Variants in GPC6 observed in about 807,000 individuals in gnomAD.
The protein encoded by GPC6 is glypican 6.
Under a neutral mutation model 55.2 loss-of-function variants are expected in GPC6, and 14 were observed. The ratio of observed to expected loss-of-function variants is 0.25; its 90% confidence interval spans 0.17 to 0.40. The LOEUF (loss-of-function observed/expected upper bound fraction) is 0.40, where lower values mean the gene tolerates loss of function less well. GPC6 is among the 10% of genes least tolerant of loss of function. The probability of loss-of-function intolerance (pLI) is 1.00; values close to 1 mark genes in which losing one functional copy is unlikely to be tolerated. For synonymous variants in GPC6, 278 were observed against 259.6 expected (o/e 1.07, Z -0.68); for missense variants, 641 against 708.5 (o/e 0.90, Z 1.08).
At chr13:93,471,761 TC>T (rs1204763655) in intron 1 of GPC6, among the ~76,000 whole-genome samples, 1 of 152,200 alleles carries the variant, frequency 6.6e-6, no homozygotes, top group Non-Finnish European at 1.5e-5. Context: ...TTTAATGACT[TC>T]AAGTGCATTG....
intron 3 of GPC6, among the ~76,000 whole-genome samples, chr13:93,943,533 G>C (rs535002502): frequency 7.9e-5 from 12 of 152,222 alleles, no homozygotes; most frequent in African/African-American, 2.6e-4. Context: ...CTGCAGTTCA[G>C]CTTTGCCCTC....
chr13:94,320,994 G>A (rs1876794095), intron 6 of GPC6, among the ~76,000 whole-genome samples: 1 of 152,166 alleles, frequency 6.6e-6, no homozygotes, highest in African/African-American at 2.4e-5. Context: ...AAGGTTTAGT[G>A]TACAGATTAT....
chr13:93,740,461 C>A (rs960575164), intron 2 of GPC6, among the ~76,000 whole-genome samples: 3 of 152,124 alleles, frequency 2.0e-5, no homozygotes, highest in Non-Finnish European at 4.4e-5. Flanking sequence ...GGTCAAGAAG[C>A]ATTGTTCTGT....
intron 6 of GPC6, among the ~76,000 whole-genome samples, chr13:94,366,361 A>G (rs1260167444): frequency 6.6e-6 from 1 of 152,234 alleles, no homozygotes; most frequent in Non-Finnish European, 1.5e-5. Context: ...GGTCAATCCT[A>G]TGCCACTAGC....
At chr13:94,264,978 G>A (rs1350686362) in intron 4 of GPC6, among the ~76,000 whole-genome samples, 1 of 152,268 alleles carries the variant, frequency 6.6e-6, no homozygotes, top group Admixed American at 6.5e-5. Flanking sequence ...CGGTATGGGG[G>A]AAACTGCTCC....
chr13:93,481,657 G>A (rs1397936484), intron 1 of GPC6, among the ~76,000 whole-genome samples: 2 of 151,160 alleles, frequency 1.3e-5, no homozygotes, highest in African/African-American at 4.9e-5. Flanking sequence ...TTTGTACGTA[G>A]ATACTCAGTT....
At chr13:93,406,627 T>C (rs1876299195) in intron 1 of GPC6, among the ~76,000 whole-genome samples, 1 of 152,202 alleles carries the variant, frequency 6.6e-6, no homozygotes, top group South Asian at 2.1e-4. Flanking sequence ...AAGTGAGACA[T>C]GAATTAAGAA....
intron 5 of GPC6, among the ~76,000 whole-genome samples, chr13:94,290,227 G>A (rs1874878941): frequency 6.6e-6 from 1 of 151,962 alleles, no homozygotes; most frequent in Non-Finnish European, 1.5e-5. Flanking sequence ...TTCAAAAGCA[G>A]CCTAGACAAC....
chr13:93,729,143 T>C (rs1883741231), intron 2 of GPC6, among the ~76,000 whole-genome samples: 1 of 152,154 alleles, frequency 6.6e-6, no homozygotes, highest in Non-Finnish European at 1.5e-5. Context: ...TTAATAGAAA[T>C]AGAGGGTCTA....
At chr13:93,996,679 G>A (rs1190901824) in intron 3 of GPC6, among the ~76,000 whole-genome samples, 1 of 152,026 alleles carries the variant, frequency 6.6e-6, no homozygotes, top group East Asian at 1.9e-4. Flanking sequence ...TCAAAATTCT[G>A]CAAAGTCCAT....
chr13:93,718,794 G>T (rs192984945), intron 2 of GPC6, among the ~76,000 whole-genome samples: 3 of 151,774 alleles, frequency 2.0e-5, no homozygotes, highest in Middle Eastern at 3.4e-3. Context: ...AAGGTGTAAG[G>T]AAGGGGTCCA....
At chr13:94,039,518 A>G (rs1883457805) in intron 4 of GPC6, among the ~76,000 whole-genome samples, 1 of 151,896 alleles carries the variant, frequency 6.6e-6, no homozygotes. Context: ...GCCTGAGAGA[A>G]AGACAGTGCT....
chr13:93,793,573 AAG>A (rs1360710140), intron 2 of GPC6, among the ~76,000 whole-genome samples: 8 of 152,140 alleles, frequency 5.3e-5, no homozygotes, highest in African/African-American at 1.7e-4. Context: ...CTAGTGCACA[AAG>A]AGAAACACAA....
At chr13:93,263,281 A>C (rs1877211052) in intron 1 of GPC6, among the ~76,000 whole-genome samples, 1 of 151,862 alleles carries the variant, frequency 6.6e-6, no homozygotes, top group Non-Finnish European at 1.5e-5. Flanking sequence ...TAGCTATTTT[A>C]TCTGTTTCCT....
chr13:93,934,711 A>G (rs532017189), intron 3 of GPC6, among the ~76,000 whole-genome samples: 1 of 151,190 alleles, frequency 6.6e-6, no homozygotes, highest in African/African-American at 2.5e-5. Flanking sequence ...ATATGTGACC[A>G]TAGTGTCTGA....
At position 94,283,639 on chromosome 13, in the gene GPC6, A is replaced by C. The variant is rs994232041; in HGVS notation, c.878-2710A>C. On this transcript the variant is annotated intron_variant, in intron 4 of 8. Coordinates refer to ENST00000377047, the MANE Select transcript of GPC6 (RefSeq NM_005708.5). Reference sequence around the variant, plus strand: ...TCATGCAGAGGTATCAGTTATTTCTAATATATCTAAATTTTATTTTCCAAA... The same window carrying C: ...TCATGCAGAGGTATCAGTTATTTCTCATATATCTAAATTTTATTTTCCAAA... 2.0e-5 allele frequency among the ~76,000 whole-genome samples: 3 copies of C among 152,210 alleles called. No homozygotes were observed. The East Asian group carries it at 5.8e-4, about 29-fold the overall frequency.
At chr13:93,789,499 CTCTCTCTCTCTATA>C (rs1381239648) in intron 2 of GPC6, among the ~76,000 whole-genome samples, 1 of 77,920 alleles carries the variant, frequency 1.3e-5, no homozygotes, top group African/African-American at 4.8e-5. Flanking sequence ...CTCTCTCTCT[CTCTCTCTCTCTATA>C]TATATATATA....
intron 4 of GPC6, among the ~76,000 whole-genome samples, chr13:94,101,188 G>A (rs193014580): frequency 1.3e-5 from 2 of 152,234 alleles, no homozygotes; most frequent in African/African-American, 4.8e-5. Flanking sequence ...TACATTATTT[G>A]TTCTCAGTTC....
chr13:94,206,263 C>T (rs898592596), intron 4 of GPC6, among the ~76,000 whole-genome samples: 2 of 152,082 alleles, frequency 1.3e-5, no homozygotes, highest in African/African-American at 2.4e-5. Flanking sequence ...TGAGAATATT[C>T]TATTCTTTTG....
Sources: allele counts gnomAD v4.1 joint callset (sites outside exome capture counted in the v4.1 genomes callset), GRCh38; gene constraint gnomAD v4.1.1; transcripts MANE v1.5; gene names NCBI Gene and HGNC (gene_info 2026-07-23, HGNC 2026-07-21).